The following UST variants were observed in gnomAD, a reference collection of about 807,000 sequenced individuals.
UST encodes chondroitin sulfate 2-O-sulfotransferase.
UST carries 21 observed loss-of-function variants against 45.6 expected under a neutral mutation model. The observed-to-expected ratio is 0.46, with a 90% CI of 0.33 to 0.66. The LOEUF is 0.66. Among genes scored for constraint, UST ranks in the 30% least tolerant of loss-of-function variants. The pLI is 0.02. For missense variants in UST, 463 were observed against 512.4 expected (o/e 0.90, Z 0.93); for synonymous variants, 215 against 200.6 (o/e 1.07, Z -0.61).
intron 2 of UST, among the ~76,000 whole-genome samples, chr6:148,894,035 G>C: frequency 6.6e-6 from 1 of 152,024 alleles, no homozygotes; most frequent in East Asian, 1.9e-4. Flanking sequence ...AAAAAGTCTA[G>C]GATGGAAAGG....
At chr6:148,993,360 A>G (rs1371061745) in intron 5 of UST, among the ~76,000 whole-genome samples, 1 of 146,756 alleles carries the variant, frequency 6.8e-6, no homozygotes, top group Non-Finnish European at 1.5e-5. Flanking sequence ...AGTTTCCAAA[A>G]GTTTGGTTAC....
chr6:148,887,082 G>A, intron 2 of UST, 53 bp downstream of exon 2: 3 of 1,407,586 alleles, frequency 2.1e-6, no homozygotes, highest in Non-Finnish European at 2.0e-6. Context: ...CTTACTTACA[G>A]CCTCCAACAA....
At chr6:148,817,975 G>A (rs1299556318) in intron 1 of UST, among the ~76,000 whole-genome samples, 1 of 152,180 alleles carries the variant, frequency 6.6e-6, no homozygotes, top group Non-Finnish European at 1.5e-5. Context: ...TTGCAAAAGA[G>A]ACCGCAAAAC....
At position 148,760,651 on chromosome 6, in the gene UST, GA is replaced by G. The variant is rs572214567; in HGVS notation, c.247+12984del. Among the ~76,000 whole-genome samples the G allele has an allele frequency of 6.6e-3, 910 of 138,470 alleles. 6 individuals are homozygous for G. The highest frequency in any genetic ancestry group is 0.021 in the African/African-American group (793 of 37,576). 90.8% of individuals were successfully genotyped at this position (138,470 alleles called of 152,430 possible). ...AGACACAGAAAGTAAAAACCACAAA[GA>G]AAAAAAAAACTATATTAAAGTGAAA... is the stretch of plus-strand genomic sequence containing the variant. On this transcript the variant is annotated intron_variant, in intron 1 of 7. Transcript: ENST00000367463.
At chr6:149,035,766 TA>T (rs11404986) in intron 7 of UST, among the ~76,000 whole-genome samples, 13 of 148,158 alleles carry the variant, frequency 8.8e-5, no homozygotes, top group South Asian at 4.3e-4. Flanking sequence ...ACCCCATCTT[TA>T]AAAAAAAAAA....
chr6:148,845,745 G>C (rs1302626821), intron 1 of UST, among the ~76,000 whole-genome samples: 2 of 152,162 alleles, frequency 1.3e-5, no homozygotes, highest in Non-Finnish European at 2.9e-5. Flanking sequence ...CACTAACAAT[G>C]TGTGAGTGTT....
intron 1 of UST, among the ~76,000 whole-genome samples, chr6:148,832,767 G>A (rs1777713552): frequency 6.6e-6 from 1 of 152,184 alleles, no homozygotes. Flanking sequence ...AGTGTAGTCA[G>A]TTTCTATTTG....
chr6:148,867,285 TACACACACACACACACACAC>T (rs58093813), intron 1 of UST, among the ~76,000 whole-genome samples: 2 of 136,846 alleles, frequency 1.5e-5, no homozygotes, highest in East Asian at 2.4e-4. Context: ...CATTGTTGAA[TACACACACACACACACACAC>T]ACACACACAC....
intron 7 of UST, among the ~76,000 whole-genome samples, chr6:149,025,162 TG>T (rs1776032821): frequency 6.6e-6 from 1 of 152,248 alleles, no homozygotes; most frequent in African/African-American, 2.4e-5. Context: ...CAATACTACC[TG>T]TCCCAATAAC....
At chr6:149,008,702 A>G (rs1415348793) in intron 5 of UST, among the ~76,000 whole-genome samples, 1 of 152,264 alleles carries the variant, frequency 6.6e-6, no homozygotes, top group Non-Finnish European at 1.5e-5. Flanking sequence ...TGACAGCAGA[A>G]GGATGAACTG....
At chr6:149,018,959 G>A (rs1285394593) in intron 5 of UST, among the ~76,000 whole-genome samples, 180 bp from the exon 6 acceptor site, 1 of 152,190 alleles carries the variant, frequency 6.6e-6, no homozygotes, top group Admixed American at 6.5e-5. Context: ...TGTGTGCCTG[G>A]CCAGTGGAGC....
intron 1 of UST, among the ~76,000 whole-genome samples, chr6:148,856,550 T>G (rs1778208970): frequency 6.6e-6 from 1 of 152,214 alleles, no homozygotes; most frequent in Non-Finnish European, 1.5e-5. Context: ...GGCTTTTCCC[T>G]TAGTCAATAA....
In UST at chr6:148,908,761, T is replaced by A. The variant is rs146110819; in HGVS notation, c.291+21732T>A. 5.9e-3 allele frequency among the ~76,000 whole-genome samples: 901 copies of A among 152,292 alleles called. 10 individuals carry two copies. The highest frequency in any genetic ancestry group is 0.02 in the African/African-American group (845 of 41,566). Reference sequence around the variant, plus strand: ...GTTCAAAACGTGCCAATGAAAGATCTGTTTTCCCTTATTTTAGTTACAAAT... The same window carrying A: ...GTTCAAAACGTGCCAATGAAAGATCAGTTTTCCCTTATTTTAGTTACAAAT... On this transcript the variant is annotated intron_variant, in intron 2 of 7. Transcript: ENST00000367463.
At chr6:148,835,422 G>A (rs547948906) in intron 1 of UST, among the ~76,000 whole-genome samples, 31 of 152,288 alleles carry the variant, frequency 2.0e-4, no homozygotes, top group Admixed American at 2.0e-3. Context: ...TTCCAGTTGG[G>A]AGAAAGGCAG....
chr6:149,057,450 A>G (rs1776580748), intron 7 of UST, among the ~76,000 whole-genome samples: 1 of 152,240 alleles, frequency 6.6e-6, no homozygotes, highest in African/African-American at 2.4e-5. Flanking sequence ...ACAATAGAAG[A>G]TAAGTGGTAT....
intron 2 of UST, among the ~76,000 whole-genome samples, chr6:148,911,689 C>A: frequency 6.6e-6 from 1 of 150,626 alleles, no homozygotes; most frequent in African/African-American, 2.4e-5. Flanking sequence ...AAAAGAGAAA[C>A]AGAAGATAGA....
At chr6:149,021,550 G>A in intron 7 of UST, 69 bp downstream of exon 7, 3 of 1,546,754 alleles carry the variant, frequency 1.9e-6, no homozygotes, top group Non-Finnish European at 2.6e-6. Flanking sequence ...CCTTGAAAAG[G>A]CCTCAGGAAA....
chr6:149,056,671 G>C (rs1055228847), intron 7 of UST, among the ~76,000 whole-genome samples: 2 of 152,210 alleles, frequency 1.3e-5, no homozygotes, highest in Non-Finnish European at 2.9e-5. Flanking sequence ...AGAGAAGGAA[G>C]AGGTAGGGCT....
intron 5 of UST, among the ~76,000 whole-genome samples, chr6:148,970,674 G>A (rs1001644466): frequency 4.6e-5 from 7 of 152,160 alleles, no homozygotes; most frequent in Non-Finnish European, 8.8e-5. Context: ...TAAGCCACAC[G>A]GAAACCAGAA....
Sources: gnomAD v4.1 joint callset for allele counts (sites outside exome capture counted in the v4.1 genomes callset) on GRCh38, gnomAD v4.1.1 for gene constraint, MANE v1.5 for transcripts, NCBI Gene and HGNC (gene_info 2026-07-23, HGNC 2026-07-21) for gene names.